MRS2: variants seen among roughly 807,000 people sequenced by gnomAD.
MRS2 encodes the protein magnesium transporter MRS2 homolog, mitochondrial.
Under a neutral mutation model 52.6 loss-of-function variants are expected in MRS2, and 40 were observed. The observed-to-expected ratio is 0.76, with a 90% CI of 0.59 to 0.99. The LOEUF is 0.99. Ranked by LOEUF, MRS2 falls within the 50% of genes least tolerant of loss-of-function variation. The pLI is 0.00. For synonymous variants in MRS2, 193 were observed against 195.9 expected (o/e 0.98, Z 0.13); for missense variants, 472 against 532.7 (o/e 0.89, Z 1.12).
In MRS2 at chr6:24,415,088, T is replaced by C; in HGVS notation, c.644T>C (p.Leu215Ser). The C allele has an allele frequency of 6.2e-7, 1 of 1,612,156 alleles. No homozygotes were observed. The highest frequency in any genetic ancestry group is 8.5e-7 in the Non-Finnish European group (1 of 1,178,518). Residue 215 changes from leucine (L) to serine (S), a missense_variant, in exon 6 of 11, where the codon TTG becomes TCG. Physicochemically the swap from Leu to Ser is moderately radical, Grantham distance 145 (BLOSUM62 -2). Coordinates refer to ENST00000378386, the MANE Select transcript of MRS2 (RefSeq NM_020662.4). Reference protein sequence around the residue: ...SILQPLILETLDALVDPKHSS... With the variant: ...SILQPLILETSDALVDPKHSS... ...TTGCAGCCACTGATCCTTGAGACCT[T>C]GGATGCTTTGGTGGACCCCAAACAT...
rs375640936 is a variant in MRS2 at position 24,409,500 on chromosome 6, A to C, written c.341A>C (p.Gln114Pro). ...KTELYQELGL[Q>P]ARDLRFQHVM... ...GAATTATACCAAGAGTTAGGTCTTC[A>C]AGCCAGAGATTTGAGATTTCAGCAT... is the stretch of plus-strand genomic sequence containing the variant. The change falls in exon 4 of 11, where the codon CAA becomes CCA. Residue 114 changes from glutamine (Q) to proline (P), a missense_variant. Coordinates refer to ENST00000378386, the MANE Select transcript of MRS2 (RefSeq NM_020662.4). 2 of 1,611,936 alleles carry C rather than the reference A, an allele frequency of 1.2e-6. No individual in the cohort carries two copies. The highest frequency in any genetic ancestry group is 2.7e-5 in the African/African-American group (2 of 74,864).
In MRS2 at chr6:24,425,923, T is replaced by C. The variant is rs1762220532; in HGVS notation, c.*2229T>C. On this transcript the variant is annotated 3_prime_UTR_variant, in exon 11 of 11. Transcript: ENST00000378386. ...GAATTGCAATATTAAAGTTGCACGT[T>C]GGATTTAACTCTCATGACTTTAGTA... 6.6e-6 allele frequency: 1 copy of C among 152,242 alleles called. No homozygotes were observed. The highest frequency in any genetic ancestry group is 2.1e-4 in the South Asian group (1 of 4,834). 9.4% of individuals were successfully genotyped at this position (152,242 alleles called of 1,614,324 possible). A position where few individuals can be genotyped will look rare whatever the true frequency, so the allele number is the denominator to read the frequency against.
intron 6 of MRS2, 101 bp from the exon 7 acceptor site, chr6:24,416,296 G>C: frequency 1.8e-6 from 1 of 548,320 alleles, no homozygotes; most frequent in Admixed American, 3.4e-5. Context: ...TAGCATGAAT[G>C]TATAAGATAA....
At chr6:24,418,434 A>G in intron 8 of MRS2, 27 bp from the exon 9 acceptor site, 3 of 1,613,622 alleles carry the variant, frequency 1.9e-6, no homozygotes, top group Non-Finnish European at 2.5e-6. Context: ...GGGCCCTTCT[A>G]ATCTGAATAG....
chr6:24,403,155 G>C lies in MRS2; in HGVS notation c.109G>C (p.Ala37Pro), dbSNP rs1209887731. 1 of 1,609,724 alleles carries C rather than the reference G, an allele frequency of 6.2e-7. No individual in the cohort carries two copies. Among genetic ancestry groups the C allele is most frequent in the African/African-American group, 1.3e-5 (1 of 74,920 alleles). The change falls in exon 1 of 11, where the codon GCT becomes CCT. Residue 37 changes from alanine (A) to proline (P), a missense_variant. Ala to Pro is a conservative substitution (Grantham distance 27). Transcript: ENST00000378386. Reference sequence around the variant, plus strand: ...CGTGACCTCTGTGGGTCCTCCCGTTGCTGCCTGCGGCCGCCGAGCCAACCT... The same window carrying C: ...CGTGACCTCTGTGGGTCCTCCCGTTCCTGCCTGCGGCCGCCGAGCCAACCT... Reference protein sequence around the residue: ...LDVTSVGPPVAACGRRANLIG... With the variant: ...LDVTSVGPPVPACGRRANLIG...
chr6:24,412,009 C>G (rs1014230815), intron 4 of MRS2, among the ~76,000 whole-genome samples: 1 of 149,496 alleles, frequency 6.7e-6, no homozygotes, highest in Non-Finnish European at 1.5e-5. Flanking sequence ...AAAAAAAAAC[C>G]TTGATTTTTT....
intron 4 of MRS2, among the ~76,000 whole-genome samples, chr6:24,411,291 T>C (rs1274598427): frequency 6.6e-6 from 1 of 152,184 alleles, no homozygotes; most frequent in Non-Finnish European, 1.5e-5. Flanking sequence ...TGGCTACCTT[T>C]ATCTACTTTT....
At chr6:24,423,143 T>A in intron 10 of MRS2, 93 bp downstream of exon 10, 1 of 977,984 alleles carries the variant, frequency 1.0e-6, no homozygotes, top group Non-Finnish European at 1.6e-6. Flanking sequence ...TCACAGGCAC[T>A]ATGGCCCTTG....
rs747502578 is a variant in MRS2 at position 24,416,400 on chromosome 6, A to G, written c.723A>G (p.Leu241=). The G allele has an allele frequency of 3.9e-6, 5 of 1,290,764 alleles. No homozygotes were observed. Among genetic ancestry groups the G allele is most frequent in the African/African-American group, 2.9e-5 (2 of 68,220 alleles). 80.0% of individuals were successfully genotyped at this position (1,290,764 alleles called of 1,614,324 possible). The part of the protein sequence containing the change: ...LHILLQNGKS[L]SELETDIKIF... ...TTTGTGTATCTATTTCTTATAGTCTATCAGAGTTAGAAACAGATATTAAAA... is the reference window on the plus strand; with the variant it reads ...TTTGTGTATCTATTTCTTATAGTCTGTCAGAGTTAGAAACAGATATTAAAA... Residue 241 remains leucine (L), a synonymous_variant, in exon 7 of 11, where the codon CTA becomes CTG. Coordinates refer to ENST00000378386, the MANE Select transcript of MRS2 (RefSeq NM_020662.4).
At chr6:24,418,283 T>C (rs1231758668) in intron 8 of MRS2, 47 bp downstream of exon 8, 41 of 1,478,760 alleles carry the variant, frequency 2.8e-5, no homozygotes, top group Non-Finnish European at 3.7e-5. Context: ...AAAATAATTA[T>C]AAGAAAGTTT....
rs138103622 is a variant in MRS2 at position 24,403,809 on chromosome 6, CATTT to C, written c.190+576_190+579del. Among the ~76,000 whole-genome samples the C allele has an allele frequency of 8.4e-3, 1,274 of 152,258 alleles. 17 individuals are homozygous for C. The highest frequency in any genetic ancestry group is 0.025 in the African/African-American group (1,044 of 41,552). ...GTTTTCTGTTTCTTCGTTATGGACACATTTATACAGTTGTCCAGTTGCACGGAGA... is the reference window on the plus strand; with the variant it reads ...GTTTTCTGTTTCTTCGTTATGGACACATACAGTTGTCCAGTTGCACGGAGA... On this transcript the variant is annotated intron_variant, in intron 1 of 10. Coordinates refer to ENST00000378386, the MANE Select transcript of MRS2 (RefSeq NM_020662.4).
At chr6:24,418,334 T>C in intron 8 of MRS2, 98 bp downstream of exon 8, 1 of 1,502,236 alleles carries the variant, frequency 6.7e-7, no homozygotes. Flanking sequence ...ATCATTATCA[T>C]CTATACTACA....
chr6:24,416,559 C>A, intron 7 of MRS2, 46 bp downstream of exon 7: 2 of 1,000,868 alleles, frequency 2.0e-6, no homozygotes, highest in South Asian at 1.4e-5. Flanking sequence ...TAGAGTAAAT[C>A]TTTTGCCTTT....
chr6:24,413,905 G>T (rs554221465), intron 5 of MRS2, among the ~76,000 whole-genome samples: 13 of 152,270 alleles, frequency 8.5e-5, no homozygotes, highest in Admixed American at 8.5e-4. Flanking sequence ...CATACCTGCC[G>T]AATATCAAAT....
intron 2 of MRS2, 60 bp downstream of exon 2, chr6:24,405,301 T>A: frequency 8.1e-7 from 1 of 1,234,058 alleles, no homozygotes; most frequent in Non-Finnish European, 1.2e-6. Context: ...ATAAGTTAAC[T>A]CGTTGGACTG....
Position 24,424,671 on chromosome 6 carries a change from G to A in MRS2, c.*977G>A, listed in dbSNP as rs1762167984. The stretch of plus-strand genomic sequence containing the variant: ...CTACCTTTTAAAATATTTTCTGGAG[G>A]TTAAGTACAGTTAGGCACTAGAACA... On this transcript the variant is annotated 3_prime_UTR_variant, in exon 11 of 11. Coordinates refer to ENST00000378386, the MANE Select transcript of MRS2 (RefSeq NM_020662.4). 6.6e-6 allele frequency: 1 copy of A among 152,148 alleles called. No individual in the cohort carries two copies. The highest frequency in any genetic ancestry group is 2.1e-4 in the South Asian group (1 of 4,832). 9.4% of individuals were successfully genotyped at this position (152,148 alleles called of 1,614,324 possible).
At position 24,423,932 on chromosome 6, in the gene MRS2, T is replaced by A. The variant is rs1388632398; in HGVS notation, c.*238T>A. The A allele has an allele frequency of 3.8e-6, 1 of 260,902 alleles. No individual in the cohort carries two copies. The highest frequency in any genetic ancestry group is 2.2e-5 in the African/African-American group (1 of 45,506). The allele number at this position is 260,902 out of a possible 1,614,324, so 16.2% of individuals were successfully genotyped here. A position where few individuals can be genotyped will look rare whatever the true frequency, so the allele number is the denominator to read the frequency against. On this transcript the variant is annotated 3_prime_UTR_variant, in exon 11 of 11. Transcript: ENST00000378386. The stretch of plus-strand genomic sequence containing the variant: ...TCTATTTCCTACAAACTTTAAATGC[T>A]GTTTTTATAGATGTGATATGAGGCA...
intron 9 of MRS2, among the ~76,000 whole-genome samples, chr6:24,421,982 C>T (rs1447454263): frequency 6.6e-6 from 1 of 152,144 alleles, no homozygotes; most frequent in African/African-American, 2.4e-5. Flanking sequence ...AACCCCATCT[C>T]TACTAAAAAT....
intron 5 of MRS2, among the ~76,000 whole-genome samples, chr6:24,412,983 A>G (rs1761719425): frequency 6.6e-6 from 1 of 152,138 alleles, no homozygotes; most frequent in Admixed American, 6.6e-5. Flanking sequence ...CATGAGGTGC[A>G]TTGGGTTGGG....
Sources: allele counts gnomAD v4.1 joint callset (sites outside exome capture counted in the v4.1 genomes callset), GRCh38; gene constraint gnomAD v4.1.1; transcripts MANE v1.5; gene names NCBI Gene and HGNC (gene_info 2026-07-23, HGNC 2026-07-21).